The following BRAF variants were observed in gnomAD, a reference collection of about 807,000 sequenced individuals.
BRAF encodes the protein serine/threonine-protein kinase B-raf.
BRAF carries 16 observed loss-of-function variants against 104.6 expected under a neutral mutation model. That is an observed-to-expected ratio of 0.15 (90% CI 0.10 to 0.23). The LOEUF (loss-of-function observed/expected upper bound fraction) is 0.23. BRAF is among the 10% of genes least tolerant of loss of function. The probability of loss-of-function intolerance (pLI) is 1.00; values close to 1 mark genes in which losing one functional copy is unlikely to be tolerated. For synonymous variants in BRAF, 310 were observed against 341.6 expected, an observed-to-expected ratio of 0.91 and a Z score of 1.02; for missense variants, 541 against 937.3, an observed-to-expected ratio of 0.58 and a Z score of 5.52.
At chr7:140,766,740 G>A (rs773814643) in intron 14 of BRAF, among the ~76,000 whole-genome samples, 20 of 151,926 alleles carry the variant, frequency 1.3e-4, no homozygotes, top group Non-Finnish European at 2.4e-4. Flanking sequence ...TTGTAGAGAC[G>A]GGTTTTGCCA....
chr7:140,789,985 C>T (rs1801789616), intron 8 of BRAF, among the ~76,000 whole-genome samples: 1 of 152,174 alleles, frequency 6.6e-6, no homozygotes, highest in South Asian at 2.1e-4. Context: ...CTGCCTTGGC[C>T]TCCCAAAGTG....
chr7:140,760,791 G>A (rs1273604745), intron 14 of BRAF, among the ~76,000 whole-genome samples: 5 of 152,144 alleles, frequency 3.3e-5, no homozygotes, highest in African/African-American at 9.7e-5. Flanking sequence ...GGGTATCAGT[G>A]ATGGAAGATG....
chr7:140,886,005 T>C (rs183391144), intron 1 of BRAF, among the ~76,000 whole-genome samples: 4 of 152,078 alleles, frequency 2.6e-5, no homozygotes, highest in Admixed American at 1.3e-4. Flanking sequence ...ATAATAAGAG[T>C]AGGCTGAAAA....
intron 18 of BRAF, 74 bp downstream of exon 17, chr7:140,739,738 G>A (rs2130897809): frequency 6.4e-7 from 1 of 1,555,582 alleles, no homozygotes; most frequent in Non-Finnish European, 8.8e-7. Context: ...CACACTGTGT[G>A]CCCAAAAAAG....
chr7:140,714,327 CTG>C (rs1335294111), downstream of BRAF, among the ~76,000 whole-genome samples: 1 of 152,216 alleles, frequency 6.6e-6, no homozygotes, highest in Admixed American at 6.5e-5. Context: ...TTCCAACTCT[CTG>C]AGACTGGACA....
chr7:140,814,822 T>A lies in BRAF; in HGVS notation c.505-5827A>T, dbSNP rs981760985. Among the ~76,000 whole-genome samples the A allele has an allele frequency of 1.1e-3, 166 of 145,234 alleles. No individual in the cohort carries two copies. The East Asian group carries it at 0.018, about 16-fold the overall frequency. ...ATATATTATATATAACATATATAATTTATATATATTATATATATAAAAGTT... is the reference window on the plus strand; with the variant it reads ...ATATATTATATATAACATATATAATATATATATATTATATATATAAAAGTT... On this transcript the variant is annotated intron_variant, in intron 3 of 19. Transcript: ENST00000644969.
intron 1 of BRAF, among the ~76,000 whole-genome samples, chr7:140,913,457 T>G (rs1817227615): frequency 6.7e-6 from 1 of 149,140 alleles, no homozygotes; most frequent in South Asian, 2.1e-4. Flanking sequence ...ACAAAGCAAA[T>G]GTTAATCACA....
chr7:140,824,705 C>A (rs1344360341), intron 3 of BRAF, among the ~76,000 whole-genome samples: 1 of 151,288 alleles, frequency 6.6e-6, no homozygotes. Flanking sequence ...AAATAAACTG[C>A]CAAATTTTAT....
chr7:140,719,020 A>T (rs1795202273), downstream of BRAF, among the ~76,000 whole-genome samples: 4 of 152,362 alleles, frequency 2.6e-5, no homozygotes, highest in African/African-American at 7.2e-5. Flanking sequence ...CACATACTCC[A>T]ACTGAACCAC....
intron 1 of BRAF, among the ~76,000 whole-genome samples, chr7:140,890,436 T>C (rs1270771735): frequency 1.3e-5 from 2 of 152,152 alleles, no homozygotes; most frequent in Non-Finnish European, 2.9e-5. Context: ...GATACAGTGG[T>C]GAGCAAGACG....
At chr7:140,715,246 C>T (rs1184745540), downstream of BRAF, among the ~76,000 whole-genome samples, 1 of 152,164 alleles carries the variant, frequency 6.6e-6, no homozygotes, top group Non-Finnish European at 1.5e-5. Flanking sequence ...TGCACCCTCC[C>T]CTGCTGACAG....
chr7:140,761,287 T>A (rs1326521516), intron 14 of BRAF, among the ~76,000 whole-genome samples: 3 of 151,926 alleles, frequency 2.0e-5, no homozygotes, highest in Non-Finnish European at 4.4e-5. Context: ...CCAGCCAAAC[T>A]AAGCTTCATA....
intron 2 of BRAF, among the ~76,000 whole-genome samples, chr7:140,842,904 C>T (rs1403690664): frequency 6.6e-6 from 1 of 152,084 alleles, no homozygotes; most frequent in African/African-American, 2.4e-5. Flanking sequence ...AAAAGAAAAT[C>T]AAGAGGATTT....
intron 12 of BRAF, chr7:140,780,998 T>C (rs1201628880): frequency 6.5e-6 from 1 of 154,044 alleles, no homozygotes; most frequent in Non-Finnish European, 1.4e-5. Flanking sequence ...AGTGGCGTAA[T>C]CTCAGCTCAC....
intron 1 of BRAF, among the ~76,000 whole-genome samples, chr7:140,853,457 T>G (rs1484698170): frequency 6.6e-6 from 1 of 152,198 alleles, no homozygotes; most frequent in African/African-American, 2.4e-5. Flanking sequence ...ACCAAAGCCA[T>G]GACCTGGCCC....
intron 14 of BRAF, chr7:140,758,027 C>T (rs1798350534): frequency 6.6e-6 from 1 of 152,196 alleles, no homozygotes; most frequent in Admixed American, 6.5e-5. Context: ...TTTGTAAAAG[C>T]CACTAGCATC....
At chr7:140,880,939 A>G (rs935503439) in intron 1 of BRAF, among the ~76,000 whole-genome samples, 6 of 152,176 alleles carry the variant, frequency 3.9e-5, no homozygotes, top group African/African-American at 1.4e-4. Context: ...CAGCCTGGGC[A>G]AGAATGAGAC....
In BRAF at chr7:140,786,375, C is replaced by G. The variant is rs537772277; in HGVS notation, c.1178-567G>C. Among the ~76,000 whole-genome samples, 13 of 152,170 alleles carry G rather than the reference C, an allele frequency of 8.5e-5. No homozygotes were observed. In the South Asian group the frequency reaches 2.7e-3, roughly 32 times the overall value. On this transcript the variant is annotated intron_variant, in intron 9 of 19. Coordinates refer to ENST00000644969, the MANE Select transcript of BRAF (RefSeq NM_001374258.1). ...GATATTTTGAAGATAAAGAAGGTCA[C>G]AGTGAAGAGGTCAACTCTAAGCATG...
intron 1 of BRAF, among the ~76,000 whole-genome samples, chr7:140,905,140 TATACACCCACTGGGTTAA>T (rs896599296): frequency 6.6e-6 from 1 of 152,216 alleles, no homozygotes; most frequent in Non-Finnish European, 1.5e-5. Context: ...GAATGGGTTC[TATACACCCACTGGGTTAA>T]ACTTGTTCAT....
Sources: allele counts gnomAD v4.1 joint callset (sites outside exome capture counted in the v4.1 genomes callset), GRCh38; gene constraint gnomAD v4.1.1; transcripts MANE v1.5; gene names NCBI Gene and HGNC (gene_info 2026-07-23, HGNC 2026-07-21).